The following RPS5 variants were observed in gnomAD, a reference collection of about 807,000 sequenced individuals.
RPS5 encodes the protein ribosomal protein S5.
A neutral mutation model predicts 20.9 loss-of-function variants in RPS5; 2 were observed. The observed-to-expected ratio is 0.10, with a 90% CI of 0.04 to 0.30. RPS5 has a LOEUF of 0.30. RPS5 is among the 10% of genes least tolerant of loss of function. The pLI is 1.00. For synonymous variants in RPS5, 112 were observed against 105.8 expected (o/e 1.06, Z -0.36); for missense variants, 122 against 287.2 (o/e 0.42, Z 4.16).
At chr19:58,391,620 A>G (rs1313388110) in intron 2 of RPS5, among the ~76,000 whole-genome samples, 1 of 151,358 alleles carries the variant, frequency 6.6e-6, no homozygotes, top group Non-Finnish European at 1.5e-5. Flanking sequence ...AACAAACAAA[A>G]AACCCAAAAA....
chr19:58,388,289 A>G, intron 2 of RPS5, 44 bp downstream of exon 2: 4 of 1,352,236 alleles, frequency 3.0e-6, no homozygotes, highest in South Asian at 1.2e-5. Flanking sequence ...GGGGGCGGAC[A>G]TTATTCCAGG....
At chr19:58,390,180 G>A (rs2052353602) in intron 2 of RPS5, among the ~76,000 whole-genome samples, 1 of 150,716 alleles carries the variant, frequency 6.6e-6, no homozygotes, top group South Asian at 2.1e-4. Flanking sequence ...ACAGGCATGA[G>A]CCACCACGCC....
chr19:58,387,635 C>G (rs1306244617), intron 1 of RPS5: 1 of 156,068 alleles, frequency 6.4e-6, no homozygotes, highest in Non-Finnish European at 1.4e-5. Flanking sequence ...GTAACTTTCC[C>G]CCCGTAATAG....
chr19:58,393,223 T>TC, intron 3 of RPS5, 38 bp downstream of exon 3: 1 of 1,613,382 alleles, frequency 6.2e-7, no homozygotes, highest in Non-Finnish European at 8.5e-7. Flanking sequence ...GGCTGTGCCC[T>TC]CAGTACACCC....
At chr19:58,389,677 C>A (rs537703232) in intron 2 of RPS5, among the ~76,000 whole-genome samples, 1 of 152,038 alleles carries the variant, frequency 6.6e-6, no homozygotes, top group Non-Finnish European at 1.5e-5. Flanking sequence ...GCTCTTATTG[C>A]CCAGGCTGGA....
intron 2 of RPS5, among the ~76,000 whole-genome samples, chr19:58,392,443 G>A (rs1164641328): frequency 6.6e-6 from 1 of 151,946 alleles, no homozygotes; most frequent in Non-Finnish European, 1.5e-5. Context: ...GGCCAACATA[G>A]TGAAACCTGT....
Position 58,388,143 on chromosome 19 carries a change from C to G in RPS5, c.6C>G (p.Thr2=). 1 of 1,611,076 alleles carries G rather than the reference C, an allele frequency of 6.2e-7. No homozygotes were observed. The highest frequency in any genetic ancestry group is 1.1e-5 in the South Asian group (1 of 90,748). M[T]EWETAAPAVA... The stretch of plus-strand genomic sequence containing the variant: ...TGTCATCACCCTGTCCCAGGATGAC[C>G]GAGTGGGAGACAGCAGCACCAGCGG... Residue 2 remains threonine, a synonymous_variant, in exon 2 of 6, where the codon ACC becomes ACG. Transcript: ENST00000196551.
At chr19:58,388,304 C>T in intron 2 of RPS5, 59 bp downstream of exon 2, 2 of 1,207,030 alleles carry the variant, frequency 1.7e-6, no homozygotes, top group Non-Finnish European at 1.2e-6. Flanking sequence ...TCCAGGAAGG[C>T]ACACATCAAA....
At chr19:58,388,764 A>G (rs963439747) in intron 2 of RPS5, among the ~76,000 whole-genome samples, 2 of 148,968 alleles carry the variant, frequency 1.3e-5, no homozygotes, top group Non-Finnish European at 3.0e-5. Flanking sequence ...AGCTGGGACT[A>G]CAGGTGCCCG....
intron 4 of RPS5, chr19:58,393,790 TG>T (rs2052379462): frequency 2.9e-6 from 1 of 347,596 alleles, no homozygotes; most frequent in Admixed American, 4.4e-5. Context: ...ATTTTGATTG[TG>T]TTTTCCCTGA....
chr19:58,390,426 CTTTTTTTT>C (rs61279930), intron 2 of RPS5, among the ~76,000 whole-genome samples: 481 of 47,692 alleles, frequency 0.01, 2 homozygotes, highest in African/African-American at 0.029. Flanking sequence ...GCCACTGTTA[CTTTTTTTT>C]TTTTTTTTTT....
chr19:58,392,849 C>G (rs115814907), intron 2 of RPS5, 127 bp from the exon 3 acceptor site: 2 of 807,056 alleles, frequency 2.5e-6, no homozygotes, highest in South Asian at 1.7e-5. Context: ...CCTGTTGAGG[C>G]ATACCAGGAT....
chr19:58,391,082 A>G (rs1041788952), intron 2 of RPS5, among the ~76,000 whole-genome samples: 3 of 151,972 alleles, frequency 2.0e-5, no homozygotes, highest in African/African-American at 4.8e-5. Context: ...ACTTTTTGGC[A>G]TTTTTCTAGA....
intron 2 of RPS5, chr19:58,388,744 C>T (rs972152110): frequency 6.6e-6 from 2 of 301,110 alleles, no homozygotes; most frequent in Non-Finnish European, 1.2e-5. Flanking sequence ...CCTGCCTCAG[C>T]CTCCTGAGTA....
intron 2 of RPS5, among the ~76,000 whole-genome samples, chr19:58,391,471 C>T (rs921822118): frequency 3.0e-4 from 43 of 145,022 alleles, no homozygotes; most frequent in African/African-American, 1.1e-3. Flanking sequence ...AGCATGGTGA[C>T]GCATGTCTGT....
intron 2 of RPS5, among the ~76,000 whole-genome samples, chr19:58,390,871 G>C (rs1474426162): frequency 6.6e-6 from 1 of 152,014 alleles, no homozygotes; most frequent in East Asian, 1.9e-4. Context: ...CTTGCAGCCA[G>C]ACTATGAAAT....
intron 2 of RPS5, among the ~76,000 whole-genome samples, chr19:58,390,568 T>G (rs2052356818): frequency 6.6e-6 from 1 of 151,318 alleles, no homozygotes; most frequent in South Asian, 2.1e-4. Flanking sequence ...CCCTAGTAGC[T>G]GGAACTACAG....
Position 58,394,483 on chromosome 19 carries a change from T to A in RPS5, c.448-14T>A. 1 of 1,612,912 alleles carries A rather than the reference T, an allele frequency of 6.2e-7. No homozygotes were observed. Among genetic ancestry groups the A allele is most frequent in the Non-Finnish European group, 8.5e-7 (1 of 1,179,226 alleles). ...CAGTCTGTCCTTCTAGCCTGACCCC[T>A]GCTGTCTTCCTAGGCCATCTGGCTG... is the stretch of plus-strand genomic sequence containing the variant. On this transcript the variant is annotated splice_polypyrimidine_tract_variant and intron_variant, in intron 4 of 5. Coordinates refer to ENST00000196551, the MANE Select transcript of RPS5 (RefSeq NM_001009.4).
intron 2 of RPS5, among the ~76,000 whole-genome samples, chr19:58,388,880 C>T (rs1317038657): frequency 1.3e-5 from 2 of 152,070 alleles, no homozygotes; most frequent in East Asian, 1.9e-4. Context: ...CCGCCCGTCT[C>T]GGCCTCCCAA....
Sources: gnomAD v4.1 joint callset for allele counts (sites outside exome capture counted in the v4.1 genomes callset) on GRCh38, gnomAD v4.1.1 for gene constraint, MANE v1.5 for transcripts, NCBI Gene and HGNC (gene_info 2026-07-23, HGNC 2026-07-21) for gene names.